AIFM2: variants seen among roughly 807,000 people sequenced by gnomAD.
The protein encoded by AIFM2 is AIF family member 2, ferroptosis suppressor, also known as ferroptosis suppressor protein 1.
In AIFM2, 38 loss-of-function variants were observed where a neutral mutation model predicts 35.7. The ratio of observed to expected loss-of-function variants is 1.06; its 90% confidence interval spans 0.82 to 1.39. The LOEUF (loss-of-function observed/expected upper bound fraction) is 1.39. Among genes scored for constraint, AIFM2 ranks in the 40% most tolerant of loss-of-function variants. The pLI is 0.00. For synonymous variants in AIFM2, 185 were observed against 203.5 expected (o/e 0.91, Z 0.77); for missense variants, 476 against 491.2 (o/e 0.97, Z 0.29).
chr10:70,120,755 T>C (rs1483105422), intron 4 of AIFM2, among the ~76,000 whole-genome samples, 156 bp from the exon 5 acceptor site: 1 of 152,140 alleles, frequency 6.6e-6, no homozygotes, highest in East Asian at 1.9e-4. Context: ...CCCACCCACC[T>C]CGCAGAATTG....
chr10:70,121,867 G>A (rs559531798), intron 3 of AIFM2, among the ~76,000 whole-genome samples: 52 of 150,516 alleles, frequency 3.5e-4, no homozygotes, highest in Non-Finnish European at 5.3e-4. Flanking sequence ...CAAGGCGGGC[G>A]GATCACCTGA....
intron 5 of AIFM2, among the ~76,000 whole-genome samples, chr10:70,119,772 T>C (rs1174246616): frequency 2.0e-5 from 3 of 152,250 alleles, no homozygotes; most frequent in Non-Finnish European, 2.9e-5. Flanking sequence ...GAAGCCGATC[T>C]GGCTTCAACC....
Position 70,114,000 on chromosome 10 carries a change from G to T in AIFM2, c.*178C>A. The T allele has an allele frequency of 1.3e-6, 1 of 794,736 alleles. No homozygotes were observed. The highest frequency in any genetic ancestry group is 1.9e-6 in the Non-Finnish European group (1 of 523,500). 49.2% of individuals were successfully genotyped at this position (794,736 alleles called of 1,614,324 possible). ...AAAGTATCCTCTAAGGGGGGTATTT[G>T]TTTAATACCTCTCTCTCTCCCATTT... On this transcript the variant is annotated 3_prime_UTR_variant, in exon 9 of 9. Transcript: ENST00000307864.
chr10:70,123,344 C>T, intron 3 of AIFM2, 61 bp downstream of exon 3: 1 of 1,442,194 alleles, frequency 6.9e-7, no homozygotes, highest in East Asian at 2.3e-5. Context: ...CCTGGAGGAT[C>T]CCGCCCAGGC....
intron 8 of AIFM2, 92 bp from the exon 9 acceptor site, chr10:70,114,421 C>A: frequency 1.3e-6 from 2 of 1,508,682 alleles, no homozygotes; most frequent in Admixed American, 4.3e-5. Context: ...GGCCTTCAGA[C>A]TCAGGGCCGG....
chr10:70,127,813 GA>G (rs2072585356), intron 1 of AIFM2, among the ~76,000 whole-genome samples: 1 of 152,348 alleles, frequency 6.6e-6, no homozygotes, highest in African/African-American at 2.4e-5. Context: ...GGGACACCCA[GA>G]CCAGAGCAGG....
At chr10:70,130,898 C>T (rs776461809) in intron 1 of AIFM2, among the ~76,000 whole-genome samples, 2 of 152,104 alleles carry the variant, frequency 1.3e-5, no homozygotes, top group Non-Finnish European at 2.9e-5. Context: ...AGTAACTTTA[C>T]CTTTGCTCCC....
intron 1 of AIFM2, among the ~76,000 whole-genome samples, chr10:70,128,738 A>G (rs1050623585): frequency 2.0e-5 from 3 of 152,202 alleles, no homozygotes; most frequent in Admixed American, 2.0e-4. Context: ...GCTCCTGCCT[A>G]TAATCCTAGC....
At chr10:70,120,988 G>A in intron 4 of AIFM2, 104 bp downstream of exon 4, 1 of 1,502,942 alleles carries the variant, frequency 6.7e-7, no homozygotes, top group Non-Finnish European at 8.8e-7. Context: ...GCTACAGCCA[G>A]CAGCTCTGAG....
chr10:70,127,445 A>C (rs1289466641), intron 1 of AIFM2, among the ~76,000 whole-genome samples: 1 of 152,220 alleles, frequency 6.6e-6, no homozygotes, highest in Non-Finnish European at 1.5e-5. Context: ...CCAGAGGCCC[A>C]GTGGCAGGAA....
chr10:70,118,127 CTCCTG>C, intron 5 of AIFM2: 1 of 505,638 alleles, frequency 2.0e-6, no homozygotes, highest in Non-Finnish European at 3.5e-6. Context: ...TTTCAGTACC[CTCCTG>C]CCACACCCAG....
At position 70,121,086 on chromosome 10, in the gene AIFM2, G is replaced by T. The variant is rs746985299; in HGVS notation, c.414+6C>A. 2 of 1,610,006 alleles carry T rather than the reference G, an allele frequency of 1.2e-6. No individual in the cohort carries two copies. Among genetic ancestry groups the T allele is most frequent in the Non-Finnish European group, 1.7e-6 (2 of 1,179,288 alleles). Reference sequence around the variant, plus strand: ...CACTGCCCCATGCCTTCAGTGCACAGCTCACCTGCCTCACCATGTCCTCAT... The same window carrying T: ...CACTGCCCCATGCCTTCAGTGCACATCTCACCTGCCTCACCATGTCCTCAT... On this transcript the variant is annotated splice_donor_region_variant and intron_variant, in intron 4 of 8. Transcript: ENST00000307864.
In AIFM2 at chr10:70,117,440, T is replaced by C. The variant is rs931546818; in HGVS notation, c.616+372A>G. Among the ~76,000 whole-genome samples the C allele has an allele frequency of 2.0e-5, 3 of 152,166 alleles. No homozygotes were observed. Among genetic ancestry groups the C allele is most frequent in the Admixed American group, 6.5e-5 (1 of 15,282 alleles). ...CTCTCAAAACATAAACCAATAAACC[T>C]ATTCCCTCAACCACAGAGACATCCT... is the stretch of plus-strand genomic sequence containing the variant. On this transcript the variant is annotated intron_variant, in intron 6 of 8. Coordinates refer to ENST00000307864, the MANE Select transcript of AIFM2 (RefSeq NM_032797.6). The surrounding 1 kb of genome is among the most constrained non-coding windows in gnomAD (Gnocchi z 4.7).
rs2072621846 is a variant in AIFM2 at position 70,131,088 on chromosome 10, T to A, written c.-14+1646A>T. On this transcript the variant is annotated intron_variant, in intron 1 of 8. Transcript: ENST00000307864. The surrounding 1 kb of genome is among the most constrained non-coding windows in gnomAD (Gnocchi z 4.1). ...GGAAGTTACATTTATGCCAAAGCTG[T>A]TCAGAGGTTGTGCCTCAGAAGACAC... 6.6e-6 allele frequency among the ~76,000 whole-genome samples: 1 copy of A among 152,216 alleles called. No homozygotes were observed. The highest frequency in any genetic ancestry group is 1.5e-5 in the Non-Finnish European group (1 of 68,044).
At chr10:70,121,805 T>A (rs1004926500) in intron 3 of AIFM2, among the ~76,000 whole-genome samples, 6 of 151,072 alleles carry the variant, frequency 4.0e-5, no homozygotes, top group Non-Finnish European at 5.9e-5. Context: ...ATAAAAAAAA[T>A]TTTAGGCCGG....
chr10:70,126,235 C>A (rs1027158763), intron 1 of AIFM2, among the ~76,000 whole-genome samples: 1 of 152,224 alleles, frequency 6.6e-6, no homozygotes, highest in African/African-American at 2.4e-5. Flanking sequence ...CTGTGCTGAG[C>A]CCTAAAGAGA....
At chr10:70,115,562 C>G (rs1218090248) in intron 7 of AIFM2, among the ~76,000 whole-genome samples, 4 of 152,216 alleles carry the variant, frequency 2.6e-5, no homozygotes, top group Non-Finnish European at 4.4e-5. Flanking sequence ...AGGCCAGGAG[C>G]TCAAGACCAG....
chr10:70,125,129 C>T (rs980813896), intron 1 of AIFM2, among the ~76,000 whole-genome samples: 46 of 152,244 alleles, frequency 3.0e-4, no homozygotes, highest in African/African-American at 1.0e-3. Context: ...GACTTCCCAG[C>T]CTCCAGAACC....
rs771462923 is a variant in AIFM2, at chr10:70,124,010, TGC to T, written c.73_74del (p.Ala25SerfsTer95). 1.2e-6 allele frequency: 2 copies of T among 1,612,758 alleles called. No homozygotes were observed. The highest frequency in any genetic ancestry group is 2.2e-5 in the South Asian group (2 of 90,868). On this transcript the variant is annotated frameshift_variant, in exon 2 of 9. Transcript: ENST00000307864. LOFTEE classifies it high-confidence loss of function. The stretch of plus-strand genomic sequence containing the variant: ...TCAGGGCCTGCAGCTGGCTGGCTGC[TGC>T]GATCCCGCCAAAGCCCCCACCCACA... ...VIVGGGFGGI[A>X]AASQLQALNV...
Sources: allele counts gnomAD v4.1 joint callset (sites outside exome capture counted in the v4.1 genomes callset), GRCh38; gene constraint gnomAD v4.1.1; non-coding constraint Gnocchi (gnomAD v3.1); transcripts MANE v1.5; gene names NCBI Gene and HGNC (gene_info 2026-07-23, HGNC 2026-07-21).